MALRD1: variants seen among roughly 807,000 people sequenced by gnomAD.
MALRD1 encodes MAM and LDL receptor class A domain containing 1, also known as MAM and LDL-receptor class A domain-containing protein 1.
MALRD1 carries 247 observed loss-of-function variants against 242.1 expected under a neutral mutation model. The observed-to-expected ratio is 1.02, with a 90% CI of 0.92 to 1.13. The LOEUF (loss-of-function observed/expected upper bound fraction) is 1.13, where lower values mean the gene tolerates loss of function less well. Among genes scored for constraint, MALRD1 ranks in the 50% most tolerant of loss-of-function variants. The probability of loss-of-function intolerance (pLI) is 0.00; values close to 1 mark genes in which losing one functional copy is unlikely to be tolerated. For synonymous variants in MALRD1, 995 were observed against 866.6 expected, an observed-to-expected ratio of 1.15 and a Z score of -2.60; for missense variants, 2,989 against 2,533.1, an observed-to-expected ratio of 1.18 and a Z score of -3.86.
intron 19 of MALRD1, among the ~76,000 whole-genome samples, chr10:19,278,788 G>C (rs1313071099): frequency 6.6e-6 from 1 of 152,058 alleles, no homozygotes; most frequent in East Asian, 1.9e-4. Flanking sequence ...ATACCTTTAA[G>C]GGTAAACAAG....
At chr10:19,070,836 CTTTTTTTTT>C (rs3042437) in intron 2 of MALRD1, among the ~76,000 whole-genome samples, 2 of 52,444 alleles carry the variant, frequency 3.8e-5, no homozygotes, top group Non-Finnish European at 6.7e-5. Context: ...AAATGACAAA[CTTTTTTTTT>C]TTTTTTTTTT....
chr10:19,478,890 C>G (rs1836861677), intron 29 of MALRD1, among the ~76,000 whole-genome samples: 1 of 152,120 alleles, frequency 6.6e-6, no homozygotes, highest in South Asian at 2.1e-4. Flanking sequence ...GGTTGAGAGC[C>G]TTTTTAGCAA....
At chr10:19,065,770 C>T (rs898195328) in intron 1 of MALRD1, among the ~76,000 whole-genome samples, 1 of 152,138 alleles carries the variant, frequency 6.6e-6, no homozygotes, top group Non-Finnish European at 1.5e-5. Context: ...GAGAAAGAGT[C>T]AGAAATGTCT....
intron 28 of MALRD1, among the ~76,000 whole-genome samples, chr10:19,434,497 A>G (rs2496086): frequency 0.57 from 87,218 of 151,730 alleles, 25,800 homozygotes; most frequent in Middle Eastern, 0.67. Context: ...TAAACATTTC[A>G]AAATGTTTGC....
chr10:19,174,498 G>A (rs1835138615), intron 13 of MALRD1, among the ~76,000 whole-genome samples: 1 of 152,108 alleles, frequency 6.6e-6, no homozygotes, highest in South Asian at 2.1e-4. Context: ...CACTATGCAG[G>A]TTCATAAGAT....
chr10:19,658,698 A>G (rs1209352210), intron 36 of MALRD1, among the ~76,000 whole-genome samples: 1 of 152,162 alleles, frequency 6.6e-6, no homozygotes, highest in Non-Finnish European at 1.5e-5. Context: ...AAGAAGAACA[A>G]TTAAGGTCCC....
intron 28 of MALRD1, among the ~76,000 whole-genome samples, chr10:19,448,651 G>A (rs1025242627): frequency 6.6e-6 from 1 of 152,018 alleles, no homozygotes; most frequent in South Asian, 2.1e-4. Flanking sequence ...TACTGGGACT[G>A]TTCATGTATT....
At chr10:19,350,726 G>A (rs1025388887) in intron 25 of MALRD1, among the ~76,000 whole-genome samples, 11 of 152,166 alleles carry the variant, frequency 7.2e-5, no homozygotes, top group Admixed American at 3.9e-4. Context: ...AGATATAAAC[G>A]TATTTACTGA....
At chr10:19,227,766 A>G (rs750290352) in intron 18 of MALRD1, among the ~76,000 whole-genome samples, 53 of 152,190 alleles carry the variant, frequency 3.5e-4, no homozygotes, top group Non-Finnish European at 7.1e-4. Context: ...CAAAACACAG[A>G]TAACTCATTT....
intron 31 of MALRD1, among the ~76,000 whole-genome samples, chr10:19,504,260 C>T (rs1004298363): frequency 6.6e-6 from 1 of 152,114 alleles, no homozygotes; most frequent in Non-Finnish European, 1.5e-5. Flanking sequence ...GAGTGGAAAC[C>T]CTGGCGTATG....
chr10:19,116,584 C>G (rs542744779), intron 5 of MALRD1, among the ~76,000 whole-genome samples: 1 of 152,278 alleles, frequency 6.6e-6, no homozygotes, highest in Middle Eastern at 3.4e-3. Context: ...ACTTCATTTT[C>G]TACCCTCTGA....
chr10:19,369,580 T>G (rs960754759), intron 26 of MALRD1, among the ~76,000 whole-genome samples: 1 of 149,358 alleles, frequency 6.7e-6, no homozygotes, highest in Non-Finnish European at 1.5e-5. Flanking sequence ...AATATGTGAA[T>G]ATATCCATAT....
chr10:19,590,044 A>T (rs1370401809), intron 33 of MALRD1, among the ~76,000 whole-genome samples: 1 of 152,064 alleles, frequency 6.6e-6, no homozygotes, highest in Non-Finnish European at 1.5e-5. Flanking sequence ...AAGCAGCCTG[A>T]CCAAGCAGCT....
chr10:19,671,939 T>G (rs922311695), intron 36 of MALRD1, among the ~76,000 whole-genome samples: 5 of 152,132 alleles, frequency 3.3e-5, no homozygotes, highest in African/African-American at 1.2e-4. Context: ...TCTTTTTTTT[T>G]CATTTTTTCT....
chr10:19,639,916 G>A (rs1434228504), intron 36 of MALRD1, among the ~76,000 whole-genome samples: 1 of 151,962 alleles, frequency 6.6e-6, no homozygotes, highest in Non-Finnish European at 1.5e-5. Flanking sequence ...GGGATTTTGT[G>A]GGGAGTGGTA....
intron 28 of MALRD1, among the ~76,000 whole-genome samples, 184 bp from the exon 29 acceptor site, chr10:19,450,123 T>G (rs1197138068): frequency 6.6e-6 from 1 of 152,220 alleles, no homozygotes; most frequent in Non-Finnish European, 1.5e-5. Context: ...TTGAGTCTTT[T>G]TGAGTTGGGT....
At chr10:19,152,856 T>C (rs1833993943) in intron 11 of MALRD1, among the ~76,000 whole-genome samples, 2 of 152,148 alleles carry the variant, frequency 1.3e-5, no homozygotes, top group Non-Finnish European at 2.9e-5. Context: ...TAAGATAATA[T>C]TAGTCTAAGA....
chr10:19,519,486 G>A (rs1438648277), intron 31 of MALRD1, among the ~76,000 whole-genome samples: 1 of 152,086 alleles, frequency 6.6e-6, no homozygotes, highest in Non-Finnish European at 1.5e-5. Context: ...TCTAGACTGG[G>A]CACAGAGGCT....
intron 31 of MALRD1, among the ~76,000 whole-genome samples, chr10:19,529,551 G>A (rs1479217790): frequency 6.9e-6 from 1 of 145,900 alleles, no homozygotes; most frequent in African/African-American, 2.6e-5. Flanking sequence ...ACAGGAGGGG[G>A]GGGGAGAAAA....
Sources: allele counts gnomAD v4.1 joint callset (sites outside exome capture counted in the v4.1 genomes callset), GRCh38; gene constraint gnomAD v4.1.1; transcripts MANE v1.5; gene names NCBI Gene and HGNC (gene_info 2026-07-23, HGNC 2026-07-21).